Variants in MALL observed in about 807,000 individuals in gnomAD.
MALL encodes the protein mal, T cell differentiation protein like, also known as MAL-like protein.
A neutral mutation model predicts 10.3 loss-of-function variants in MALL; 2 were observed. The observed-to-expected ratio is 0.19, with a 90% CI of 0.08 to 0.61. MALL has a LOEUF of 0.61. Ranked by LOEUF, MALL falls within the 20% of genes least tolerant of loss-of-function variation. The probability of loss-of-function intolerance (pLI) is 0.88; values close to 1 mark genes in which losing one functional copy is unlikely to be tolerated. For synonymous variants in MALL, 27 were observed against 51.8 expected (o/e 0.52, Z 2.05); for missense variants, 39 against 115.2 (o/e 0.34, Z 3.03).
At chr2:110,112,991 T>A (rs1391352798) in intron 1 of MALL, among the ~76,000 whole-genome samples, 1 of 151,720 alleles carries the variant, frequency 6.6e-6, no homozygotes, top group Non-Finnish European at 1.5e-5. Flanking sequence ...GAGACTATGA[T>A]TCTAAGTGAA....
chr2:110,101,518 C>T (rs1305946697), intron 1 of MALL, among the ~76,000 whole-genome samples: 4 of 152,148 alleles, frequency 2.6e-5, no homozygotes, highest in Admixed American at 6.5e-5. Context: ...AACTCGCGTC[C>T]GCAGCTGCTC....
intron 1 of MALL, among the ~76,000 whole-genome samples, chr2:110,101,835 T>C (rs1678569944): frequency 1.3e-5 from 2 of 151,074 alleles, no homozygotes; most frequent in Admixed American, 1.3e-4. Context: ...TCTTGTCTCT[T>C]AAAAAAAAAG....
chr2:110,096,452 G>A (rs1179189418), intron 1 of MALL, among the ~76,000 whole-genome samples: 1 of 152,072 alleles, frequency 6.6e-6, no homozygotes, highest in African/African-American at 2.4e-5. Context: ...TGAGGGTTTG[G>A]TGAGTCTGCT....
rs1026554234 is a variant in MALL at position 110,100,476 on chromosome 2, C to T, written c.106-8706G>A. Reference sequence around the variant, plus strand: ...TGACAGAGCAAGACTCTGTCCCCCACCCTAAAAAAAAAAAACTTAAGCAGA... The same window carrying T: ...TGACAGAGCAAGACTCTGTCCCCCATCCTAAAAAAAAAAAACTTAAGCAGA... On this transcript the variant is annotated intron_variant, in intron 1 of 3. Coordinates refer to ENST00000272462, the MANE Select transcript of MALL (RefSeq NM_005434.5). Among the ~76,000 whole-genome samples, 28 of 15,434 alleles carry T rather than the reference C, an allele frequency of 1.8e-3. No individual in the cohort carries two copies. The Admixed American group carries it at 0.039, about 22-fold the overall frequency. 10.1% of individuals were successfully genotyped at this position (15,434 alleles called of 152,430 possible). A position where few individuals can be genotyped will look rare whatever the true frequency, so the allele number is the denominator to read the frequency against.
chr2:110,107,937 C>A (rs867989831), intron 1 of MALL, among the ~76,000 whole-genome samples: 3 of 152,070 alleles, frequency 2.0e-5, no homozygotes, highest in African/African-American at 7.2e-5. Context: ...AGAAGAGAGA[C>A]AACAATCACT....
At chr2:110,099,132 C>T (rs1182614197) in intron 1 of MALL, among the ~76,000 whole-genome samples, 1 of 152,170 alleles carries the variant, frequency 6.6e-6, no homozygotes, top group Non-Finnish European at 1.5e-5. Flanking sequence ...CATAGCATCC[C>T]TTGGGAGTTT....
intron 1 of MALL, among the ~76,000 whole-genome samples, chr2:110,096,710 T>TACACAC (rs61332655): frequency 0.012 from 1,641 of 140,946 alleles, 29 homozygotes; most frequent in East Asian, 0.041. Flanking sequence ...AAAATGTACC[T>TACACAC]ACACACACAC....
intron 1 of MALL, among the ~76,000 whole-genome samples, chr2:110,112,030 A>G (rs1360982389): frequency 1.3e-5 from 2 of 152,182 alleles, no homozygotes; most frequent in Non-Finnish European, 2.9e-5. Flanking sequence ...GGCTACCCAC[A>G]TGTAGGGGAT....
chr2:110,102,663 A>C (rs2104386713), intron 1 of MALL, among the ~76,000 whole-genome samples: 1 of 152,296 alleles, frequency 6.6e-6, no homozygotes, highest in Middle Eastern at 3.4e-3. Flanking sequence ...CAGGAGCCTG[A>C]ACCAAATGGA....
At chr2:110,101,861 A>G (rs1678570507) in intron 1 of MALL, among the ~76,000 whole-genome samples, 1 of 152,158 alleles carries the variant, frequency 6.6e-6, no homozygotes, top group Non-Finnish European at 1.5e-5. Context: ...GGACAAAATT[A>G]AACACAGCAT....
In MALL at chr2:110,115,635, C is replaced by A. The variant is rs1574039592; in HGVS notation, c.105+53G>T. 6 of 1,063,232 alleles carry A rather than the reference C, an allele frequency of 5.6e-6. No homozygotes were observed. In the South Asian group the frequency reaches 2.7e-4, roughly 47 times the overall value. 65.9% of individuals were successfully genotyped at this position (1,063,232 alleles called of 1,614,324 possible). The stretch of plus-strand genomic sequence containing the variant: ...TCTCGGTCCGGTCTGGGTCCGAGGC[C>A]GGTCTCCCCCTCCCTCTCTGCAGGT... On this transcript the variant is annotated intron_variant, in intron 1 of 3. Transcript: ENST00000272462.
chr2:110,106,846 T>G (rs1678707166), intron 1 of MALL, among the ~76,000 whole-genome samples: 1 of 152,072 alleles, frequency 6.6e-6, no homozygotes, highest in South Asian at 2.1e-4. Flanking sequence ...GTTAAACAAA[T>G]GACGGCAAAG....
At chr2:110,111,861 C>G (rs1678809662) in intron 1 of MALL, among the ~76,000 whole-genome samples, 1 of 152,118 alleles carries the variant, frequency 6.6e-6, no homozygotes, top group Non-Finnish European at 1.5e-5. Context: ...ACCAAAACAG[C>G]ATGATACTGG....
At chr2:110,110,049 C>T (rs1012299744) in intron 1 of MALL, among the ~76,000 whole-genome samples, 3 of 151,986 alleles carry the variant, frequency 2.0e-5, no homozygotes, top group Admixed American at 6.6e-5. Flanking sequence ...CTTATCAAAA[C>T]CTCTGGTATA....
At chr2:110,102,643 G>A (rs567547682) in intron 1 of MALL, among the ~76,000 whole-genome samples, 2 of 152,290 alleles carry the variant, frequency 1.3e-5, no homozygotes, top group Admixed American at 1.3e-4. Context: ...CCACAGACCG[G>A]CATTCCTGCC....
chr2:110,112,825 A>G (rs1678831928), intron 1 of MALL, among the ~76,000 whole-genome samples: 3 of 151,474 alleles, frequency 2.0e-5, no homozygotes, highest in Admixed American at 2.0e-4. Flanking sequence ...GAAATTGTGT[A>G]ACCAACTCAA....
chr2:110,116,605 G>C (rs1678928009), upstream of MALL: 1 of 152,500 alleles, frequency 6.6e-6, no homozygotes, highest in Admixed American at 6.5e-5. Context: ...CTTCCAGCCA[G>C]TGCCTTGCCC....
chr2:110,115,076 C>G (rs1324187400), intron 1 of MALL, among the ~76,000 whole-genome samples: 1 of 152,038 alleles, frequency 6.6e-6, no homozygotes, highest in African/African-American at 2.4e-5. Context: ...GGGTGCCGCA[C>G]ACGACTGTTT....
Position 110,099,225 on chromosome 2 carries a change from C to T in MALL, c.106-7455G>A, listed in dbSNP as rs34256033. Among the ~76,000 whole-genome samples the T allele has an allele frequency of 8.2e-3, 1,252 of 152,174 alleles. 20 individuals are homozygous for T. The highest frequency in any genetic ancestry group is 0.012 in the Non-Finnish European group (808 of 67,998). ...ATCTCGAAAAGGACACCTTACAGCACGAGAACTCAAACAGGAAGGCAGAGC... is the reference window on the plus strand; with the variant it reads ...ATCTCGAAAAGGACACCTTACAGCATGAGAACTCAAACAGGAAGGCAGAGC... On this transcript the variant is annotated intron_variant, in intron 1 of 3. Coordinates refer to ENST00000272462, the MANE Select transcript of MALL (RefSeq NM_005434.5).
Sources: gnomAD v4.1 joint callset for allele counts (sites outside exome capture counted in the v4.1 genomes callset) on GRCh38, gnomAD v4.1.1 for gene constraint, MANE v1.5 for transcripts, NCBI Gene and HGNC (gene_info 2026-07-23, HGNC 2026-07-21) for gene names.